FAAH2: variants seen among roughly 807,000 people sequenced by gnomAD.
FAAH2 encodes fatty-acid amide hydrolase 2.
A neutral mutation model predicts 36.9 loss-of-function variants in FAAH2; 60 were observed. That is an observed-to-expected ratio of 1.63 (90% CI 1.32 to 2.02). The LOEUF (loss-of-function observed/expected upper bound fraction) is 2.02, where lower values mean the gene tolerates loss of function less well. Among genes scored for constraint, FAAH2 ranks in the 30% most tolerant of loss-of-function variants. The pLI, the probability that FAAH2 is intolerant of heterozygous loss-of-function variation, is 0.00. For missense variants in FAAH2, 689 were observed against 397.5 expected, an observed-to-expected ratio of 1.73 and a Z score of -6.23; for synonymous variants, 214 against 143.8, an observed-to-expected ratio of 1.49 and a Z score of -3.49.
chrX:57,176,471 C>T, the FAAH2 span, among the ~76,000 whole-genome samples: 1 of 105,962 alleles, frequency 9.4e-6, no homozygotes, highest in Non-Finnish European at 1.9e-5. Flanking sequence ...AGAATTTTCA[C>T]TCATATCCTG....
chrX:57,428,819 A>G (rs1310050593), intron 7 of FAAH2, among the ~76,000 whole-genome samples: 7 of 112,167 alleles, frequency 6.2e-5, no homozygotes, highest in Non-Finnish European at 1.3e-4. Context: ...TCTGAACATC[A>G]TTTTTGGCAA....
chrX:57,281,489 A>T, the FAAH2 span, among the ~76,000 whole-genome samples: 100 of 112,094 alleles, frequency 8.9e-4, no homozygotes, highest in African/African-American at 3.1e-3. Context: ...TTTGATTTAC[A>T]TAGTTGTATA....
intron 3 of FAAH2, among the ~76,000 whole-genome samples, chrX:57,319,616 A>G (rs916401466): frequency 1.8e-5 from 2 of 112,223 alleles, no homozygotes; most frequent in Admixed American, 9.5e-5. Flanking sequence ...TATAGATTCA[A>G]TGCTATCCCC....
chrX:57,210,582 G>A, the FAAH2 span, among the ~76,000 whole-genome samples: 1 of 112,283 alleles, frequency 8.9e-6, no homozygotes, highest in Non-Finnish European at 1.9e-5. Flanking sequence ...TGAGAAATTA[G>A]TGGGAATAGA....
the FAAH2 span, among the ~76,000 whole-genome samples, chrX:57,258,047 A>G: frequency 8.9e-6 from 1 of 111,964 alleles, no homozygotes; most frequent in Non-Finnish European, 1.9e-5. Flanking sequence ...TTCAAATTAT[A>G]TTATACAATT....
the FAAH2 span, among the ~76,000 whole-genome samples, chrX:57,194,329 A>G: frequency 9.0e-6 from 1 of 111,336 alleles, no homozygotes; most frequent in African/African-American, 3.3e-5. Flanking sequence ...CATAGTATCC[A>G]ATCATGATCC....
chrX:57,463,051 T>A (rs1296276514), intron 10 of FAAH2, among the ~76,000 whole-genome samples: 1 of 111,583 alleles, frequency 9.0e-6, no homozygotes, highest in Non-Finnish European at 1.9e-5. Flanking sequence ...TGAACTCCTA[T>A]TCACAATTGC....
the FAAH2 span, among the ~76,000 whole-genome samples, chrX:57,197,671 C>G: frequency 1.8e-5 from 2 of 111,381 alleles, no homozygotes; most frequent in Admixed American, 9.5e-5. Flanking sequence ...CCCAGCAGAG[C>G]TACCGGGTTC....
chrX:57,226,615 T>C, the FAAH2 span, among the ~76,000 whole-genome samples: 2 of 111,863 alleles, frequency 1.8e-5, no homozygotes, highest in Admixed American at 9.5e-5. Flanking sequence ...GATAACCTGA[T>C]GACAATGTGC....
chrX:57,296,709 A>C (rs1455626009), intron 2 of FAAH2, among the ~76,000 whole-genome samples: 2 of 111,559 alleles, frequency 1.8e-5, no homozygotes, highest in African/African-American at 3.3e-5. Flanking sequence ...AACTTGAAAA[A>C]AGATTAGATG....
the FAAH2 span, among the ~76,000 whole-genome samples, chrX:57,171,167 C>A: frequency 9.0e-6 from 1 of 111,419 alleles, no homozygotes; most frequent in East Asian, 2.8e-4. Flanking sequence ...GGTTAGTGGG[C>A]CCTTAGGTTG....
At chrX:57,445,142 G>A (rs920603515) in intron 8 of FAAH2, among the ~76,000 whole-genome samples, 2 of 111,693 alleles carry the variant, frequency 1.8e-5, no homozygotes, top group African/African-American at 6.5e-5. Flanking sequence ...GACTTCCCGT[G>A]TATTCGAAGA....
At chrX:57,207,785 G>T in the FAAH2 span, among the ~76,000 whole-genome samples, 10 of 112,583 alleles carry the variant, frequency 8.9e-5, no homozygotes, top group Non-Finnish European at 1.7e-4. Flanking sequence ...ACAGACCCAT[G>T]TTGGAACTTT....
the FAAH2 span, chrX:57,136,135 C>G: frequency 2.5e-6 from 3 of 1,209,659 alleles, no homozygotes; most frequent in East Asian, 3.0e-5. Flanking sequence ...ATGATAGGTG[C>G]TTGAGCTAAG....
intron 8 of FAAH2, among the ~76,000 whole-genome samples, chrX:57,440,743 A>G (rs1390397554): frequency 2.7e-5 from 3 of 111,690 alleles, no homozygotes; most frequent in Admixed American, 9.5e-5. Context: ...TGGGTTTGGC[A>G]TAAATAGTTC....
intron 5 of FAAH2, among the ~76,000 whole-genome samples, chrX:57,361,281 C>G (rs984346552): frequency 2.7e-5 from 3 of 111,195 alleles, no homozygotes; most frequent in African/African-American, 9.8e-5. Flanking sequence ...TTCAAAATTA[C>G]TGGCATATAG....
the FAAH2 span, among the ~76,000 whole-genome samples, chrX:57,238,674 A>T: frequency 8.9e-6 from 1 of 112,087 alleles, no homozygotes; most frequent in Admixed American, 9.5e-5. Flanking sequence ...TTTTAGTTTC[A>T]GTGAGTACAG....
At chrX:57,386,252 G>T (rs1225316438) in intron 7 of FAAH2, among the ~76,000 whole-genome samples, 1 of 111,616 alleles carries the variant, frequency 9.0e-6, no homozygotes, top group Non-Finnish European at 1.9e-5. Context: ...TATTATAAGA[G>T]AAATACCACC....
the FAAH2 span, among the ~76,000 whole-genome samples, chrX:57,200,460 T>C: frequency 9.4e-6 from 1 of 106,400 alleles, no homozygotes; most frequent in African/African-American, 3.4e-5. Flanking sequence ...CCCACTGCAA[T>C]CTCCGCCACA....
Sources: gnomAD v4.1 joint callset for allele counts (sites outside exome capture counted in the v4.1 genomes callset) on GRCh38, gnomAD v4.1.1 for gene constraint, MANE v1.5 for transcripts, NCBI Gene and HGNC (gene_info 2026-07-23, HGNC 2026-07-21) for gene names.